TENT4B: variants seen among roughly 807,000 people sequenced by gnomAD.
TENT4B encodes terminal nucleotidyltransferase 4B, also known as PAP associated domain containing 5.
TENT4B carries 10 observed loss-of-function variants against 75.0 expected under a neutral mutation model. The observed-to-expected ratio is 0.13, with a 90% confidence interval of 0.08 to 0.23. The LOEUF is 0.23. Among genes scored for constraint, TENT4B ranks in the 10% least tolerant of loss-of-function variants. TENT4B has a pLI of 1.00. For missense variants in TENT4B, 579 were observed against 893.8 expected, an observed-to-expected ratio of 0.65 and a Z score of 4.49; for synonymous variants, 350 against 357.7, an observed-to-expected ratio of 0.98 and a Z score of 0.24.
intron 3 of TENT4B, among the ~76,000 whole-genome samples, chr16:50,215,537 G>A (rs1363622154): frequency 6.6e-6 from 1 of 152,130 alleles, no homozygotes; most frequent in Non-Finnish European, 1.5e-5. Context: ...TCAATACAGG[G>A]AAAAGTCTCA....
At chr16:50,203,879 G>A (rs62032363) in intron 1 of TENT4B, among the ~76,000 whole-genome samples, 6,055 of 152,314 alleles carry the variant, frequency 0.04, 147 homozygotes, top group African/African-American at 0.057. Context: ...AGGGAGGCCT[G>A]TAAGCCTGAC....
upstream of TENT4B, among the ~76,000 whole-genome samples, chr16:50,153,283 C>CGCT (rs888876947): frequency 7.3e-5 from 10 of 137,374 alleles, no homozygotes; most frequent in Non-Finnish European, 1.4e-4. Flanking sequence ...TCGCTGCCGC[C>CGCT]GCTGCCGCCG....
rs767567063 is a variant in TENT4B at position 50,228,038 on chromosome 16, T to C, written c.1965+35T>C. 1.9e-5 allele frequency: 30 copies of C among 1,589,504 alleles called. No homozygotes were observed. In the South Asian group the frequency reaches 3.0e-4, roughly 16 times the overall value. On this transcript the variant is annotated intron_variant, in intron 11 of 11. Coordinates refer to ENST00000561678, the MANE Select transcript of TENT4B (RefSeq NM_001365324.3). ...ACGTGGGTTTTTAATTGTTAGTATT[T>C]GATACAAAATATTTAGAATTTCCCA...
chr16:50,156,993 AT>A (rs1366111836), intron 1 of TENT4B, among the ~76,000 whole-genome samples: 1 of 152,132 alleles, frequency 6.6e-6, no homozygotes, highest in African/African-American at 2.4e-5. Context: ...AAGTTTTTCT[AT>A]TTTTAATATA....
intron 10 of TENT4B, among the ~76,000 whole-genome samples, chr16:50,226,421 TTTG>T (rs944698901): frequency 5.9e-5 from 9 of 152,300 alleles, no homozygotes; most frequent in South Asian, 2.1e-4. Flanking sequence ...GGTTGAATTT[TTTG>T]TTGTTGTTGT....
At chr16:50,161,639 A>AT (rs913140243) in intron 1 of TENT4B, among the ~76,000 whole-genome samples, 18 of 152,202 alleles carry the variant, frequency 1.2e-4, no homozygotes, top group Middle Eastern at 3.4e-3. Flanking sequence ...AGCCCTACTA[A>AT]TTTTTTTACT....
chr16:50,208,191 T>G (rs900826244), intron 1 of TENT4B, among the ~76,000 whole-genome samples: 18 of 152,194 alleles, frequency 1.2e-4, no homozygotes, highest in African/African-American at 4.1e-4. Flanking sequence ...CTCCTTCCAG[T>G]GTGGCAAATA....
chr16:50,204,033 T>C (rs1038895832), intron 1 of TENT4B, among the ~76,000 whole-genome samples: 3 of 152,182 alleles, frequency 2.0e-5, no homozygotes, highest in South Asian at 4.1e-4. Flanking sequence ...AGGCGTGCCC[T>C]GGTCCAGTTC....
chr16:50,229,569 G>A lies in TENT4B; in HGVS notation c.*241G>A, dbSNP rs2032209670. 8.1e-7 allele frequency: 1 copy of A among 1,237,654 alleles called. No individual in the cohort carries two copies. The highest frequency in any genetic ancestry group is 3.1e-5 in the South Asian group (1 of 32,488). 76.7% of individuals were successfully genotyped at this position (1,237,654 alleles called of 1,614,324 possible). On this transcript the variant is annotated 3_prime_UTR_variant, in exon 12 of 12. Transcript: ENST00000561678. ...AAAAAAAAGGCTGCTTATTTGATAA[G>A]TCATATGCTACAACAGGGTCATTTT...
At chr16:50,217,737 A>C (rs2031630913) in intron 5 of TENT4B, 74 bp downstream of exon 5, 1 of 810,882 alleles carries the variant, frequency 1.2e-6, no homozygotes, top group Admixed American at 3.9e-5. Context: ...GTGGTGTTCT[A>C]ATATTTTTAT....
At chr16:50,219,523 C>G (rs527340727) in intron 5 of TENT4B, among the ~76,000 whole-genome samples, 2 of 152,188 alleles carry the variant, frequency 1.3e-5, no homozygotes, top group Non-Finnish European at 2.9e-5. Context: ...GATGAATATA[C>G]TTCCATACAT....
intron 1 of TENT4B, among the ~76,000 whole-genome samples, chr16:50,176,571 A>G (rs910740643): frequency 9.6e-5 from 12 of 124,800 alleles, no homozygotes; most frequent in Admixed American, 8.1e-4. Flanking sequence ...CAGCGGTGCA[A>G]TCTCATCTCA....
At chr16:50,174,430 TG>T (rs1416138822) in intron 1 of TENT4B, among the ~76,000 whole-genome samples, 1 of 152,184 alleles carries the variant, frequency 6.6e-6, no homozygotes, top group Non-Finnish European at 1.5e-5. Flanking sequence ...TTTGTATATG[TG>T]TATTTTTTGA....
intron 1 of TENT4B, among the ~76,000 whole-genome samples, chr16:50,180,435 C>T (rs886097357): frequency 6.6e-6 from 1 of 152,090 alleles, no homozygotes; most frequent in African/African-American, 2.4e-5. Flanking sequence ...AGGCCAGTTG[C>T]GGTGGTTCAT....
At chr16:50,191,398 C>T (rs913433056) in intron 1 of TENT4B, among the ~76,000 whole-genome samples, 5 of 152,042 alleles carry the variant, frequency 3.3e-5, no homozygotes, top group East Asian at 1.9e-4. Flanking sequence ...GAATAGCCAT[C>T]CTAATGGCTA....
rs992982174 is a variant in TENT4B at position 50,229,348 on chromosome 16, T to A, written c.*20T>A. On this transcript the variant is annotated 3_prime_UTR_variant, in exon 12 of 12. Transcript: ENST00000561678. ...AGATAGTCAGCGCTGCGCGGTGGAC[T>A]GTCTTCTCTGTGCAATGATCTCATG... 3 of 1,594,704 alleles carry A rather than the reference T, an allele frequency of 1.9e-6. No individual in the cohort carries two copies. The highest frequency in any genetic ancestry group is 2.6e-6 in the Non-Finnish European group (3 of 1,171,508).
At chr16:50,174,361 G>C (rs2038262852) in intron 1 of TENT4B, among the ~76,000 whole-genome samples, 1 of 151,940 alleles carries the variant, frequency 6.6e-6, no homozygotes, top group African/African-American at 2.4e-5. Context: ...GCCTCCCAAA[G>C]TAATGAGATT....
intron 1 of TENT4B, among the ~76,000 whole-genome samples, chr16:50,170,740 C>T (rs774406641): frequency 3.0e-4 from 45 of 151,876 alleles, no homozygotes; most frequent in Non-Finnish European, 5.6e-4. Flanking sequence ...GATCTCGGTT[C>T]ACCACAACCT....
intron 1 of TENT4B, among the ~76,000 whole-genome samples, chr16:50,199,807 T>A (rs1205072528): frequency 6.6e-6 from 1 of 152,250 alleles, no homozygotes; most frequent in East Asian, 1.9e-4. Context: ...TTTGATAATT[T>A]AAAAAATTTT....
Sources: allele counts gnomAD v4.1 joint callset (sites outside exome capture counted in the v4.1 genomes callset), GRCh38; gene constraint gnomAD v4.1.1; transcripts MANE v1.5; gene names NCBI Gene and HGNC (gene_info 2026-07-23, HGNC 2026-07-21).